EFCAB5: variants seen among roughly 807,000 people sequenced by gnomAD.
EFCAB5 encodes EF-hand calcium binding domain 5, also known as EF-hand calcium-binding domain-containing protein 5.
Under a neutral mutation model 167.9 loss-of-function variants are expected in EFCAB5, and 131 were observed. That is an observed-to-expected ratio of 0.78 (90% CI 0.68 to 0.90). The LOEUF (loss-of-function observed/expected upper bound fraction) is 0.90, where lower values mean the gene tolerates loss of function less well. EFCAB5 is among the 40% of genes least tolerant of loss of function. The pLI is 0.00. For missense variants in EFCAB5, 1,663 were observed against 1,745.2 expected, an observed-to-expected ratio of 0.95 and a Z score of 0.84; for synonymous variants, 574 against 602.8, an observed-to-expected ratio of 0.95 and a Z score of 0.70.
chr17:29,949,819 A>C (rs2067472506), intron 3 of EFCAB5, among the ~76,000 whole-genome samples: 1 of 152,220 alleles, frequency 6.6e-6, no homozygotes, highest in Non-Finnish European at 1.5e-5. Flanking sequence ...CATTCTGTAC[A>C]TCAGTGGGGA....
chr17:29,930,186 G>A, intron 1 of EFCAB5: 3 of 584,810 alleles, frequency 5.1e-6, no homozygotes, highest in Non-Finnish European at 5.9e-6. Flanking sequence ...CTGACGCTCC[G>A]AACGGGCGGC....
chr17:30,060,205 TATA>T (rs2070387763), intron 14 of EFCAB5, among the ~76,000 whole-genome samples: 1 of 151,306 alleles, frequency 6.6e-6, no homozygotes, highest in Non-Finnish European at 1.5e-5. Context: ...AAACTTAAAG[TATA>T]ATAATAACAA....
intron 22 of EFCAB5, among the ~76,000 whole-genome samples, chr17:30,104,079 T>C (rs1030544689): frequency 6.6e-6 from 1 of 152,166 alleles, no homozygotes; most frequent in Non-Finnish European, 1.5e-5. Context: ...CAGTTTATTG[T>C]GTGTGGCTGT....
chr17:30,080,557 T>G (rs939304402), intron 16 of EFCAB5, among the ~76,000 whole-genome samples, 196 bp from the exon 17 acceptor site: 8 of 152,146 alleles, frequency 5.3e-5, no homozygotes, highest in Admixed American at 1.3e-4. Context: ...CTTGTTTTTT[T>G]TTTTTTTGTT....
chr17:29,936,545 A>G (rs1263049348), intron 1 of EFCAB5, among the ~76,000 whole-genome samples: 1 of 152,240 alleles, frequency 6.6e-6, no homozygotes, highest in African/African-American at 2.4e-5. Flanking sequence ...TGGTGCCCCC[A>G]GTTAGCACAG....
intron 7 of EFCAB5, among the ~76,000 whole-genome samples, chr17:30,000,620 A>G (rs11868119): frequency 1.3e-5 from 2 of 152,122 alleles, no homozygotes; most frequent in Admixed American, 1.3e-4. Flanking sequence ...TTCCAGAGTC[A>G]AGGTAACTTT....
At chr17:29,955,531 C>T (rs1423096345) in intron 3 of EFCAB5, among the ~76,000 whole-genome samples, 2 of 152,032 alleles carry the variant, frequency 1.3e-5, no homozygotes, top group African/African-American at 2.4e-5. Flanking sequence ...CTGTGAGTCC[C>T]TTAATTTTTT....
intron 4 of EFCAB5, among the ~76,000 whole-genome samples, chr17:29,972,199 G>A (rs1471529031): frequency 2.4e-5 from 3 of 124,204 alleles, no homozygotes; most frequent in Admixed American, 2.0e-4. Flanking sequence ...CACCACGCCC[G>A]GCTAATTTTT....
At chr17:30,083,099 T>C in intron 18 of EFCAB5, 56 bp downstream of exon 18, 1 of 1,543,794 alleles carries the variant, frequency 6.5e-7, no homozygotes, top group African/African-American at 1.4e-5. Context: ...GTCTAGATGT[T>C]ATTTCTTGCT....
Position 30,090,483 on chromosome 17 carries a change from C to A in EFCAB5, c.3746C>A (p.Thr1249Lys). The part of the protein sequence containing the change: ...EVVLASACGE[T>K]HIVVPLRERT... The stretch of plus-strand genomic sequence containing the variant: ...GTTCTGGCTTCTGCCTGTGGAGAAA[C>A]GCATATAGTAGTTCCACTTCGTGAG... Residue 1249 changes from threonine (T) to lysine (K), a missense_variant, in exon 20 of 23, where the codon ACG becomes AAG. Physicochemically the swap from Thr to Lys is moderately conservative, Grantham distance 78. Coordinates refer to ENST00000394835, the MANE Select transcript of EFCAB5 (RefSeq NM_198529.4). The A allele has an allele frequency of 6.2e-7, 1 of 1,613,948 alleles. No individual in the cohort carries two copies. The highest frequency in any genetic ancestry group is 8.5e-7 in the Non-Finnish European group (1 of 1,179,884).
At chr17:29,994,409 G>A (rs762100166) in intron 5 of EFCAB5, among the ~76,000 whole-genome samples, 4 of 151,826 alleles carry the variant, frequency 2.6e-5, no homozygotes, top group Non-Finnish European at 5.9e-5. Context: ...TGCCGTGTCT[G>A]AGAGTTGCTA....
At chr17:30,048,730 C>T (rs929131888) in intron 8 of EFCAB5, among the ~76,000 whole-genome samples, 8 of 152,204 alleles carry the variant, frequency 5.3e-5, no homozygotes, top group Admixed American at 1.3e-4. Context: ...TCAGGTGATC[C>T]GCCTACCCCA....
chr17:29,944,315 A>G (rs910034225), intron 3 of EFCAB5, among the ~76,000 whole-genome samples: 1 of 152,166 alleles, frequency 6.6e-6, no homozygotes, highest in African/African-American at 2.4e-5. Flanking sequence ...TCCTGGACTC[A>G]GGCGATCCTC....
chr17:29,946,058 G>T (rs1418476994), intron 3 of EFCAB5, among the ~76,000 whole-genome samples: 1 of 152,080 alleles, frequency 6.6e-6, no homozygotes, highest in Non-Finnish European at 1.5e-5. Context: ...ACAACCCACA[G>T]AATGGAAGAA....
intron 22 of EFCAB5, among the ~76,000 whole-genome samples, chr17:30,098,157 A>T (rs1255695787): frequency 7.3e-5 from 11 of 151,266 alleles, no homozygotes; most frequent in Admixed American, 6.6e-4. Flanking sequence ...CTAGTCTTGA[A>T]CTCCTGACCT....
chr17:30,095,218 G>T (rs192845342), intron 22 of EFCAB5, among the ~76,000 whole-genome samples: 1 of 151,884 alleles, frequency 6.6e-6, no homozygotes, highest in Non-Finnish European at 1.5e-5. Context: ...CTGGGTCTCT[G>T]CCAAGTGACC....
chr17:30,044,105 AT>A (rs770551574), intron 8 of EFCAB5, among the ~76,000 whole-genome samples: 3 of 152,212 alleles, frequency 2.0e-5, no homozygotes, highest in Admixed American at 6.5e-5. Context: ...AATTAAAAAA[AT>A]AATGGGCATG....
intron 22 of EFCAB5, among the ~76,000 whole-genome samples, chr17:30,106,242 T>G (rs1253764992): frequency 6.6e-6 from 1 of 151,618 alleles, no homozygotes; most frequent in African/African-American, 2.4e-5. Flanking sequence ...CTGGGCAACA[T>G]AAGACCCTGT....
intron 4 of EFCAB5, among the ~76,000 whole-genome samples, chr17:29,973,626 C>G (rs1326663324): frequency 6.6e-6 from 1 of 150,944 alleles, no homozygotes; most frequent in South Asian, 2.1e-4. Context: ...TACAGGCACC[C>G]GCCACTACAC....
Sources: gnomAD v4.1 joint callset for allele counts (sites outside exome capture counted in the v4.1 genomes callset) on GRCh38, gnomAD v4.1.1 for gene constraint, MANE v1.5 for transcripts, NCBI Gene and HGNC (gene_info 2026-07-23, HGNC 2026-07-21) for gene names.